The following PLCB2 variants were observed in gnomAD, a reference collection of about 807,000 sequenced individuals.
The protein encoded by PLCB2 is phospholipase C beta 2.
In PLCB2, 115 loss-of-function variants were observed where a neutral mutation model predicts 141.7. The ratio of observed to expected loss-of-function variants is 0.81; its 90% CI spans 0.70 to 0.95. The LOEUF (loss-of-function observed/expected upper bound fraction) is 0.95, where lower values mean the gene tolerates loss of function less well. Among genes scored for constraint, PLCB2 ranks in the 40% least tolerant of loss-of-function variants. The pLI is 0.00. For missense variants in PLCB2, 1,403 were observed against 1,541.1 expected (o/e 0.91, Z 1.50); for synonymous variants, 603 against 595.6 (o/e 1.01, Z -0.18).
intron 11 of PLCB2, 119 bp from the exon 12 acceptor site, chr15:40,298,078 GCCCCCA>G: frequency 8.6e-7 from 1 of 1,164,676 alleles, no homozygotes; most frequent in Non-Finnish European, 1.2e-6. Context: ...GCCGCCATTG[GCCCCCA>G]ATCCCTGCTG....
At chr15:40,290,236 C>T (rs1050357398) in intron 29 of PLCB2, among the ~76,000 whole-genome samples, 154 bp from the exon 30 acceptor site, 1 of 152,058 alleles carries the variant, frequency 6.6e-6, no homozygotes, top group Non-Finnish European at 1.5e-5. Flanking sequence ...TATGTAGGGG[C>T]CACTGGGAGT....
downstream of PLCB2, chr15:40,285,676 C>T (rs2039600399): frequency 4.1e-6 from 4 of 985,454 alleles, no homozygotes; most frequent in Non-Finnish European, 4.8e-6. Context: ...CCCTTTATGA[C>T]TCAACTTCTC....
At chr15:40,287,611 C>T (rs1357825044), downstream of PLCB2, among the ~76,000 whole-genome samples, 1 of 152,200 alleles carries the variant, frequency 6.6e-6, no homozygotes, top group Non-Finnish European at 1.5e-5. Context: ...GACATCTTTG[C>T]ACTCAGCTCT....
chr15:40,286,010 G>A (rs1420284864), downstream of PLCB2: 1 of 985,502 alleles, frequency 1.0e-6, no homozygotes, highest in African/African-American at 1.7e-5. Flanking sequence ...GCAGGAAGGG[G>A]GTGGTGGTGC....
chr15:40,287,311 T>A (rs978876579), downstream of PLCB2, among the ~76,000 whole-genome samples: 10 of 152,168 alleles, frequency 6.6e-5, no homozygotes, highest in Non-Finnish European at 1.2e-4. Flanking sequence ...CAGGAGGACC[T>A]GTTTACTTTC....
chr15:40,305,265 T>C (rs899008018), intron 1 of PLCB2, among the ~76,000 whole-genome samples: 1 of 151,818 alleles, frequency 6.6e-6, no homozygotes, highest in African/African-American at 2.4e-5. Flanking sequence ...GCCATGGTGG[T>C]TTGCTGCACC....
In PLCB2 at chr15:40,288,440, C is replaced by T; in HGVS notation, c.*275G>A. 8.3e-7 allele frequency: 1 copy of T among 1,200,348 alleles called. No homozygotes were observed. Among genetic ancestry groups the T allele is most frequent in the Non-Finnish European group, 1.0e-6 (1 of 965,814 alleles). 74.4% of individuals were successfully genotyped at this position (1,200,348 alleles called of 1,614,324 possible). A position where few individuals can be genotyped will look rare whatever the true frequency, so the allele number is the denominator to read the frequency against. On this transcript the variant is annotated 3_prime_UTR_variant, in exon 32 of 32. Transcript: ENST00000260402. The stretch of plus-strand genomic sequence containing the variant: ...TGCCTTCCAGTCCATAGTCTTTTGC[C>T]CTCAACAAATATATGACACTTATCT...
chr15:40,290,963 T>C, intron 27 of PLCB2, 55 bp downstream of exon 27: 1 of 767,408 alleles, frequency 1.3e-6, no homozygotes, highest in Non-Finnish European at 1.8e-6. Flanking sequence ...ATGGGGTCCA[T>C]GGGGGGTGGG....
At position 40,303,360 on chromosome 15, in the gene PLCB2, G is replaced by C. The variant is rs1378638661; in HGVS notation, c.163-4C>G. ...TGATATCCAGAAACTCCATCTCCTG[G>C]GGGCAGGGTGCGGATCCCGGTGGGA... On this transcript the variant is annotated splice_region_variant and splice_polypyrimidine_tract_variant and intron_variant, in intron 2 of 31. Coordinates refer to ENST00000260402, the MANE Select transcript of PLCB2 (RefSeq NM_004573.3). The C allele has an allele frequency of 6.2e-7, 1 of 1,611,896 alleles. No individual in the cohort carries two copies. The highest frequency in any genetic ancestry group is 1.7e-5 in the Admixed American group (1 of 59,988).
In PLCB2 at chr15:40,291,497, C is replaced by T; in HGVS notation, c.2648-10G>A. The T allele has an allele frequency of 6.3e-7, 1 of 1,589,106 alleles. No individual in the cohort carries two copies. Among genetic ancestry groups the T allele is most frequent in the Non-Finnish European group, 8.5e-7 (1 of 1,171,822 alleles). On this transcript the variant is annotated splice_polypyrimidine_tract_variant and intron_variant, in intron 25 of 31. Coordinates refer to ENST00000260402, the MANE Select transcript of PLCB2 (RefSeq NM_004573.3). ...CTGGCGGTCCGCGGCTCTGCGGAGG[C>T]CCGGGTGAGGCGCAACACCGGCCAG...
In PLCB2 at chr15:40,290,844, G is replaced by C; in HGVS notation, c.3037-7C>G. The C allele has an allele frequency of 6.2e-7, 1 of 1,612,268 alleles. No homozygotes were observed. Among genetic ancestry groups the C allele is most frequent in the Non-Finnish European group, 8.5e-7 (1 of 1,179,590 alleles). ...CCATCATTTTGGAGATTTGCTGCAGGGAGAGGAAGTAAGCTTGGCGAGAAG... is the reference window on the plus strand; with the variant it reads ...CCATCATTTTGGAGATTTGCTGCAGCGAGAGGAAGTAAGCTTGGCGAGAAG... On this transcript the variant is annotated splice_polypyrimidine_tract_variant and splice_region_variant and intron_variant, in intron 27 of 31. Coordinates refer to ENST00000260402, the MANE Select transcript of PLCB2 (RefSeq NM_004573.3).
chr15:40,290,717 C>A lies in PLCB2; in HGVS notation c.3113+44G>T, dbSNP rs776335392. ...AAGGAGCTGTTTTGTGCGGCTGAGCCCTTGCTGGGAGGCGAAGCAGGTGTG... is the reference window on the plus strand; with the variant it reads ...AAGGAGCTGTTTTGTGCGGCTGAGCACTTGCTGGGAGGCGAAGCAGGTGTG... On this transcript the variant is annotated intron_variant, in intron 28 of 31. Coordinates refer to ENST00000260402, the MANE Select transcript of PLCB2 (RefSeq NM_004573.3). 9.9e-6 allele frequency: 16 copies of A among 1,612,110 alleles called. No homozygotes were observed. The African/African-American group carries it at 1.5e-4, about 15-fold the overall frequency.
rs758614031 is a variant in PLCB2, at chr15:40,297,639, C to T, written c.1239-34G>A. 21 of 1,547,946 alleles carry T rather than the reference C, an allele frequency of 1.4e-5. No homozygotes were observed. In the Admixed American group the frequency reaches 1.8e-4, roughly 14 times the overall value. ...AGCAAAAGCGGGGATGGGGTTCAGC[C>T]GCTCAGCACCAACCCTATTATGCAT... On this transcript the variant is annotated intron_variant, in intron 12 of 31. Coordinates refer to ENST00000260402, the MANE Select transcript of PLCB2 (RefSeq NM_004573.3). This position sits in a 1 kb window ranked among gnomAD's most constrained non-coding sequence, Gnocchi z 4.2.
intron 1 of PLCB2, among the ~76,000 whole-genome samples, 155 bp from the exon 2 acceptor site, chr15:40,304,233 A>G (rs1443710356): frequency 6.6e-6 from 1 of 152,182 alleles, no homozygotes; most frequent in African/African-American, 2.4e-5. Context: ...AAGCACCAGG[A>G]GGGACAGAGG....
intron 24 of PLCB2, 77 bp from the exon 25 acceptor site, chr15:40,291,727 CT>C: frequency 6.2e-7 from 1 of 1,603,348 alleles, no homozygotes; most frequent in Non-Finnish European, 8.5e-7. Context: ...ACACCGCCCC[CT>C]GGGAGTCGCA....
intron 7 of PLCB2, among the ~76,000 whole-genome samples, chr15:40,299,557 G>A (rs748086918): frequency 6.6e-6 from 1 of 152,078 alleles, no homozygotes; most frequent in Admixed American, 6.6e-5. Flanking sequence ...TTTTTTAAGT[G>A]GAGGACAAAT....
In PLCB2 at chr15:40,298,911, T is replaced by TA; in HGVS notation, c.736_737insT (p.Asn246IlefsTer10). The stretch of plus-strand genomic sequence containing the variant: ...AAGCCGGGAGTCCCGCTGTTTCTGG[T>TA]TGATGAATTTGGTCAGGTGCTCCTT... On this transcript the variant is annotated frameshift_variant, in exon 9 of 32. Transcript: ENST00000260402. LOFTEE classifies it high-confidence loss of function. 6.2e-7 allele frequency: 1 copy of TA among 1,609,868 alleles called. No individual in the cohort carries two copies. Among genetic ancestry groups the TA allele is most frequent in the East Asian group, 2.2e-5 (1 of 44,874 alleles).
chr15:40,292,012 A>C lies in PLCB2; in HGVS notation c.2526+52T>G, dbSNP rs1034934368. 1.9e-6 allele frequency: 3 copies of C among 1,605,162 alleles called. No individual in the cohort carries two copies. The African/African-American group carries it at 4.0e-5, about 21-fold the overall frequency. On this transcript the variant is annotated intron_variant, in intron 23 of 31. Transcript: ENST00000260402. ...CGGCCCTCTCCCCAGCCTCTCCCAT[A>C]AATAGGGCTAATCTCTGGTGAGCCC...
At chr15:40,284,319 A>G (rs889284907), downstream of PLCB2, 1 of 329,312 alleles carries the variant, frequency 3.0e-6, no homozygotes, top group Non-Finnish European at 6.0e-6. Context: ...GGCAGCGGGT[A>G]AGAGAGAGAC....
Sources: gnomAD v4.1 joint callset for allele counts (sites outside exome capture counted in the v4.1 genomes callset) on GRCh38, gnomAD v4.1.1 for gene constraint, Gnocchi (gnomAD v3.1) non-coding constraint, MANE v1.5 for transcripts, NCBI Gene and HGNC (gene_info 2026-07-23, HGNC 2026-07-21) for gene names.